Variants in EEF1A2 observed in about 807,000 individuals in gnomAD.
EEF1A2 encodes eukaryotic translation elongation factor 1 alpha 2, also known as elongation factor 1-alpha 2.
A neutral mutation model predicts 39.3 loss-of-function variants in EEF1A2; 5 were observed. That is an observed-to-expected ratio of 0.13 (90% CI 0.07 to 0.27). The LOEUF (loss-of-function observed/expected upper bound fraction) is 0.27. Ranked by LOEUF, EEF1A2 falls within the 10% of genes least tolerant of loss-of-function variation. The pLI is 1.00. For synonymous variants in EEF1A2, 287 were observed against 293.7 expected (o/e 0.98, Z 0.23); for missense variants, 218 against 681.4 (o/e 0.32, Z 7.57).
rs140125000 is a variant in EEF1A2 at position 63,488,469 on chromosome 20, A to AC, written c.1265-45dup. 1,540 of 1,335,876 alleles carry AC rather than the reference A, an allele frequency of 1.2e-3. 6 individuals are homozygous for AC. In the African/African-American group the frequency reaches 0.014, roughly 12 times the overall value. The allele number at this position is 1,335,876 out of a possible 1,614,324, so 82.8% of individuals were successfully genotyped here. On this transcript the variant is annotated intron_variant, in intron 7 of 7. Coordinates refer to ENST00000217182, the MANE Select transcript of EEF1A2 (RefSeq NM_001958.5). The stretch of plus-strand genomic sequence containing the variant: ...CGTGTGGGCGGGGCCGGAGGACTTG[A>AC]CCCCCCCCAACCCCAGGGCTCTGGC...
rs2082408555 is a variant in EEF1A2, at chr20:63,494,720, TC to T, written c.621+84del. 5 of 1,495,852 alleles carry T rather than the reference TC, an allele frequency of 3.3e-6. No homozygotes were observed. The East Asian group carries it at 1.2e-4, about 36-fold the overall frequency. 92.7% of individuals were successfully genotyped at this position (1,495,852 alleles called of 1,614,324 possible). A position where few individuals can be genotyped will look rare whatever the true frequency, so the allele number is the denominator to read the frequency against. ...ATTTCCCGGGGACAGGCCCTCGACC[TC>T]CCCGTGCCACCTGCCGGTGCCTCGC... On this transcript the variant is annotated intron_variant, in intron 4 of 7. Transcript: ENST00000217182.
In EEF1A2 at chr20:63,497,302, T is replaced by G. The variant is rs534772836; in HGVS notation, c.144+318A>C. ...AGCCTTGGCCCTGGGGGGAAGGGGG[T>G]AAGGCTCCAGCGCCCTCCAGCCCCA... On this transcript the variant is annotated intron_variant, in intron 2 of 7. Transcript: ENST00000217182. This position sits in a 1 kb window ranked among gnomAD's most constrained non-coding sequence, Gnocchi z 7.3. 6.2e-5 allele frequency: 16 copies of G among 256,166 alleles called. No homozygotes were observed. Among genetic ancestry groups the G allele is most frequent in the Middle Eastern group, 1.2e-3 (1 of 816 alleles). 15.9% of individuals were successfully genotyped at this position (256,166 alleles called of 1,614,324 possible). A position where few individuals can be genotyped will look rare whatever the true frequency, so the allele number is the denominator to read the frequency against.
In EEF1A2 at chr20:63,488,912, G is replaced by T; in HGVS notation, c.1264+6C>A. The T allele has an allele frequency of 6.2e-7, 1 of 1,608,924 alleles. No individual in the cohort carries two copies. The highest frequency in any genetic ancestry group is 8.5e-7 in the Non-Finnish European group (1 of 1,179,616). On this transcript the variant is annotated splice_donor_region_variant and intron_variant, in intron 7 of 7. Transcript: ENST00000217182. Reference sequence around the variant, plus strand: ...GGCTGCACCTCCCCGGACCACCCCGGCTCACCGAGAGGCGGGTACTGGGAG... The same window carrying T: ...GGCTGCACCTCCCCGGACCACCCCGTCTCACCGAGAGGCGGGTACTGGGAG...
At chr20:63,494,069 C>T (rs548616362) in intron 4 of EEF1A2, among the ~76,000 whole-genome samples, 10 of 152,234 alleles carry the variant, frequency 6.6e-5, no homozygotes, top group Non-Finnish European at 1.2e-4. Context: ...CCCCAGACCT[C>T]AGCTCCAGGC....
chr20:63,493,078 CT>C, intron 5 of EEF1A2, 58 bp downstream of exon 5: 4 of 1,517,748 alleles, frequency 2.6e-6, no homozygotes, highest in South Asian at 1.2e-5. Context: ...GTAGGGGCCC[CT>C]GGTCTAGGGC....
At chr20:63,492,651 TGGATGGATGGATGGATGGATAGAGAGAA>T (rs1405747281) in intron 5 of EEF1A2, among the ~76,000 whole-genome samples, 1 of 116,540 alleles carries the variant, frequency 8.6e-6, no homozygotes, top group Non-Finnish European at 1.8e-5. Context: ...AATCAATGGA[TGGATGGATGGATGGATGGATAGAGAGAA>T]GGATGGATGG....
At chr20:63,489,219 G>T (rs2082367242) in intron 6 of EEF1A2, 67 bp from the exon 7 acceptor site, 7 of 1,505,078 alleles carry the variant, frequency 4.7e-6, no homozygotes, top group Middle Eastern at 1.9e-4. Context: ...CGCCAGAGCG[G>T]GGCTGGGAGG....
intron 7 of EEF1A2, 68 bp downstream of exon 7, chr20:63,488,850 G>A: frequency 6.5e-7 from 1 of 1,542,104 alleles, no homozygotes; most frequent in Non-Finnish European, 8.8e-7. Flanking sequence ...CATCCCCGCA[G>A]TCCTCTGCCC....
At chr20:63,494,047 T>C (rs1407080770) in intron 4 of EEF1A2, among the ~76,000 whole-genome samples, 2 of 152,128 alleles carry the variant, frequency 1.3e-5, no homozygotes, top group African/African-American at 2.4e-5. Context: ...GGGGAGTCCC[T>C]CCCAGTTCTG....
At position 63,497,987 on chromosome 20, in the gene EEF1A2, G is replaced by A; in HGVS notation, c.-71-153C>T. On this transcript the variant is annotated intron_variant, in intron 1 of 7. Transcript: ENST00000217182. The surrounding 1 kb of genome is among the most constrained non-coding windows in gnomAD (Gnocchi z 7.3). ...GAGGGAAGGGCCCCCACCCACAGCTGGGCCTGGCCAGGGCAAGCAGAGGCT... is the reference window on the plus strand; with the variant it reads ...GAGGGAAGGGCCCCCACCCACAGCTAGGCCTGGCCAGGGCAAGCAGAGGCT... The A allele has an allele frequency of 1.8e-6, 1 of 560,482 alleles. No individual in the cohort carries two copies. Among genetic ancestry groups the A allele is most frequent in the African/African-American group, 1.9e-5 (1 of 52,502 alleles). The allele number at this position is 560,482 out of a possible 1,614,324, so 34.7% of individuals were successfully genotyped here. A position where few individuals can be genotyped will look rare whatever the true frequency, so the allele number is the denominator to read the frequency against.
chr20:63,488,907 C>T lies in EEF1A2; in HGVS notation c.1264+11G>A. ...CTGGGGGCTGCACCTCCCCGGACCA[C>T]CCCGGCTCACCGAGAGGCGGGTACT... On this transcript the variant is annotated intron_variant, in intron 7 of 7. Transcript: ENST00000217182. 3 of 1,608,196 alleles carry T rather than the reference C, an allele frequency of 1.9e-6. No homozygotes were observed. Among genetic ancestry groups the T allele is most frequent in the Non-Finnish European group, 2.5e-6 (3 of 1,179,508 alleles).
chr20:63,492,130 G>GA (rs2082385952), intron 5 of EEF1A2, among the ~76,000 whole-genome samples: 1 of 2,692 alleles, frequency 3.7e-4, no homozygotes. Context: ...GGATGGATGG[G>GA]GAAGTGGATG....
chr20:63,490,900 G>C lies in EEF1A2; in HGVS notation c.773-165C>G, dbSNP rs558863466. ...GGAGTGCAGGGGAAGGGAGGCCAGG[G>C]ACAAGGGCAGACACAGAGATTCCAA... On this transcript the variant is annotated intron_variant, in intron 5 of 7. Transcript: ENST00000217182. 2.2e-5 allele frequency among the ~76,000 whole-genome samples: 3 copies of C among 138,996 alleles called. No individual in the cohort carries two copies. The South Asian group carries it at 8.0e-4, about 37-fold the overall frequency. The allele number at this position is 138,996 out of a possible 152,430, so 91.2% of individuals were successfully genotyped here.
At chr20:63,488,470 C>T in intron 7 of EEF1A2, 45 bp from the exon 8 acceptor site, 7 of 1,235,406 alleles carry the variant, frequency 5.7e-6, no homozygotes, top group South Asian at 1.8e-5. Context: ...GAGGACTTGA[C>T]CCCCCCCAAC....
intron 3 of EEF1A2, 124 bp from the exon 4 acceptor site, chr20:63,495,225 G>T: frequency 1.5e-6 from 2 of 1,379,172 alleles, no homozygotes; most frequent in Admixed American, 2.5e-5. Flanking sequence ...GCCCACTGGG[G>T]CCTTGGGGAG....
intron 5 of EEF1A2, 86 bp from the exon 6 acceptor site, chr20:63,490,821 C>T: frequency 2.7e-6 from 4 of 1,479,664 alleles, no homozygotes; most frequent in Non-Finnish European, 3.6e-6. Context: ...TGGAAACCAA[C>T]AAAGCCTGGG....
rs2145945388 is a variant in EEF1A2 at position 63,495,847 on chromosome 20, C to T, written c.324+9G>A. ...TCTCCCCCAGCCCCGCCTGCTGTGC[C>T]CTGCTCACCTGGGATGTACCCGTGA... On this transcript the variant is annotated intron_variant, in intron 3 of 7. Coordinates refer to ENST00000217182, the MANE Select transcript of EEF1A2 (RefSeq NM_001958.5). The T allele has an allele frequency of 6.2e-7, 1 of 1,612,454 alleles. No individual in the cohort carries two copies. The highest frequency in any genetic ancestry group is 8.5e-7 in the Non-Finnish European group (1 of 1,179,698).
At chr20:63,491,899 TGGATGGATGGATGGG>T in intron 5 of EEF1A2, among the ~76,000 whole-genome samples, 1 of 96,018 alleles carries the variant, frequency 1.0e-5, no homozygotes, top group East Asian at 4.0e-4. Flanking sequence ...GATGGATGGA[TGGATGGATGGATGGG>T]GGGATAGATG....
Position 63,494,905 on chromosome 20 carries a change from A to G in EEF1A2, c.521T>C (p.Val174Ala). ...EKRYDEIVKE[V>A]SAYIKKIGYN... ...GCCGATCTTCTTGATGTAGGCGCTG[A>G]CTTCCTTGACGATCTCGTCGTAGCG... Residue 174 changes from valine to alanine, a missense_variant, in exon 4 of 8, where the codon GTC (valine) becomes GCC (alanine). Val to Ala is a moderately conservative substitution (Grantham distance 64). This residue lies in a region of EEF1A2 where 79 missense variants were observed against 172.3 expected (regional missense o/e 0.46). Coordinates refer to ENST00000217182, the MANE Select transcript of EEF1A2 (RefSeq NM_001958.5). The G allele has an allele frequency of 6.2e-7, 1 of 1,612,694 alleles. No individual in the cohort carries two copies. Among genetic ancestry groups the G allele is most frequent in the Non-Finnish European group, 8.5e-7 (1 of 1,179,960 alleles).
Sources: allele counts gnomAD v4.1 joint callset (sites outside exome capture counted in the v4.1 genomes callset), GRCh38; gene constraint gnomAD v4.1.1; regional missense constraint gnomAD v4.1.1; non-coding constraint Gnocchi (gnomAD v3.1); transcripts MANE v1.5; gene names NCBI Gene and HGNC (gene_info 2026-07-23, HGNC 2026-07-21).